Variants in CAP1 observed in about 807,000 individuals in gnomAD.
CAP1 encodes adenylyl cyclase-associated protein 1.
Under a neutral mutation model 58.2 loss-of-function variants are expected in CAP1, and 11 were observed. The ratio of observed to expected loss-of-function variants is 0.19; its 90% confidence interval spans 0.12 to 0.31. CAP1 has a LOEUF of 0.31. Among genes scored for constraint, CAP1 ranks in the 10% least tolerant of loss-of-function variants. The pLI, the probability that CAP1 is intolerant of heterozygous loss-of-function variation, is 1.00. For missense variants in CAP1, 423 were observed against 587.5 expected (o/e 0.72, Z 2.89); for synonymous variants, 183 against 213.8 (o/e 0.86, Z 1.26).
At chr1:40,050,533 C>T (rs1646313904) in intron 1 of CAP1, among the ~76,000 whole-genome samples, 1 of 151,244 alleles carries the variant, frequency 6.6e-6, no homozygotes, top group African/African-American at 2.4e-5. Context: ...GTGGTGCATG[C>T]CTGTAGTTCC....
Position 40,069,857 on chromosome 1 carries a change from G to T in CAP1, c.976G>T (p.Gly326Cys). The stretch of plus-strand genomic sequence containing the variant: ...GGAGCCAGCTGTACTTGAACTGGAG[G>T]GCAAGAAGTGGAGAGTGGTGAGTTA... ...KKEPAVLELE[G>C]KKWRVENQEN... Residue 326 changes from glycine to cysteine, a missense_variant, in exon 9 of 13, where the codon GGC (glycine) becomes TGC (cysteine). Coordinates refer to ENST00000372805, the MANE Select transcript of CAP1 (RefSeq NM_006367.4). The T allele has an allele frequency of 3.8e-6, 6 of 1,572,974 alleles. No homozygotes were observed. The highest frequency in any genetic ancestry group is 5.2e-6 in the Non-Finnish European group (6 of 1,163,120).
chr1:40,056,484 T>C (rs1416324611), intron 1 of CAP1, among the ~76,000 whole-genome samples: 1 of 151,988 alleles, frequency 6.6e-6, no homozygotes. Context: ...TCTGTAGAGA[T>C]GGAATTTTGC....
intron 1 of CAP1, among the ~76,000 whole-genome samples, chr1:40,049,026 A>G (rs1009020908): frequency 2.0e-5 from 3 of 152,106 alleles, no homozygotes; most frequent in Non-Finnish European, 4.4e-5. Context: ...CTACTGTCTT[A>G]ATTGCCTGGT....
intron 1 of CAP1, among the ~76,000 whole-genome samples, chr1:40,044,262 T>C (rs949773472): frequency 6.6e-6 from 1 of 152,202 alleles, no homozygotes; most frequent in African/African-American, 2.4e-5. Context: ...CTTCCTCCTT[T>C]CAGTTTTTTG....
intron 7 of CAP1, among the ~76,000 whole-genome samples, chr1:40,067,042 G>A (rs1358108706): frequency 6.6e-6 from 1 of 152,128 alleles, no homozygotes; most frequent in East Asian, 1.9e-4. Context: ...GGTGTTTGGG[G>A]GATAGTAGAA....
At chr1:40,061,856 G>T (rs1189516878) in intron 4 of CAP1, 44 bp downstream of exon 4, 1 of 1,343,478 alleles carries the variant, frequency 7.4e-7, no homozygotes, top group South Asian at 1.2e-5. Context: ...TGATGCTCAG[G>T]ACGAGTTGAG....
chr1:40,055,752 T>G (rs574521161), intron 1 of CAP1, among the ~76,000 whole-genome samples: 1 of 152,168 alleles, frequency 6.6e-6, no homozygotes, highest in Non-Finnish European at 1.5e-5. Flanking sequence ...CAAGCAACCC[T>G]CCTGTCTTGG....
chr1:40,056,693 C>T (rs1227559736), intron 1 of CAP1, among the ~76,000 whole-genome samples: 2 of 151,992 alleles, frequency 1.3e-5, no homozygotes, highest in Admixed American at 6.6e-5. Flanking sequence ...GGTACCACCT[C>T]GCAAATAGGC....
At position 40,044,865 on chromosome 1, in the gene CAP1, C is replaced by T. The variant is rs534930572; in HGVS notation, c.-11+4064C>T. On this transcript the variant is annotated intron_variant, in intron 1 of 12. Transcript: ENST00000372805. Reference sequence around the variant, plus strand: ...AGGCTGGAGTGCAGTGGCACAATCTCGGCTCACTGCAAGCTCAGCCTCCCG... The same window carrying T: ...AGGCTGGAGTGCAGTGGCACAATCTTGGCTCACTGCAAGCTCAGCCTCCCG... 7.8e-5 allele frequency among the ~76,000 whole-genome samples: 11 copies of T among 140,990 alleles called. No individual in the cohort carries two copies. In the East Asian group the frequency reaches 1.5e-3, roughly 19 times the overall value. The allele number at this position is 140,990 out of a possible 152,430, so 92.5% of individuals were successfully genotyped here.
At chr1:40,042,843 T>C (rs1356753542) in intron 1 of CAP1, among the ~76,000 whole-genome samples, 1 of 152,010 alleles carries the variant, frequency 6.6e-6, no homozygotes, top group Non-Finnish European at 1.5e-5. Flanking sequence ...ATTAAGAAGA[T>C]AGAATCCATA....
rs59433894 is a variant in CAP1, at chr1:40,072,268, A to AC, written c.*735_*736insC. On this transcript the variant is annotated 3_prime_UTR_variant, in exon 13 of 13. Transcript: ENST00000372805. ...CTTTAAAAGGAAAAAAAAAAAAAAA[A>AC]AAACCCACATGATTTCAAGGAGTCT... is the stretch of plus-strand genomic sequence containing the variant. The AC allele has an allele frequency of 0.55, 184,497 of 333,254 alleles. 37,945 individuals are homozygous for AC. Among genetic ancestry groups the AC allele is most frequent in the Admixed American group, 0.61 (12,247 of 20,240 alleles). 20.6% of individuals were successfully genotyped at this position (333,254 alleles called of 1,614,324 possible). A position where few individuals can be genotyped will look rare whatever the true frequency, so the allele number is the denominator to read the frequency against.
At chr1:40,042,951 G>A (rs968762215) in intron 1 of CAP1, among the ~76,000 whole-genome samples, 2 of 152,142 alleles carry the variant, frequency 1.3e-5, no homozygotes, top group Admixed American at 1.3e-4. Context: ...TTCAGATAGA[G>A]AGTATGAGAG....
chr1:40,059,774 G>C (rs1646770680), intron 2 of CAP1, among the ~76,000 whole-genome samples: 1 of 152,146 alleles, frequency 6.6e-6, no homozygotes, highest in African/African-American at 2.4e-5. Context: ...TGGACATTTT[G>C]CACATGCACC....
At chr1:40,042,472 G>A (rs1645879872) in intron 1 of CAP1, among the ~76,000 whole-genome samples, 1 of 152,188 alleles carries the variant, frequency 6.6e-6, no homozygotes, top group Non-Finnish European at 1.5e-5. Flanking sequence ...TACTACAGGT[G>A]CAAGGACCTG....
chr1:40,053,635 C>T (rs1265805462), intron 1 of CAP1, among the ~76,000 whole-genome samples: 6 of 151,976 alleles, frequency 3.9e-5, no homozygotes, highest in Non-Finnish European at 7.4e-5. Context: ...TTAGTAAAGA[C>T]GGGGTTTCTC....
intron 1 of CAP1, among the ~76,000 whole-genome samples, chr1:40,042,591 G>C (rs1244129140): frequency 6.6e-6 from 1 of 152,182 alleles, no homozygotes; most frequent in Non-Finnish European, 1.5e-5. Context: ...ATATGTGGAG[G>C]ACATTGTAAG....
intron 1 of CAP1, among the ~76,000 whole-genome samples, chr1:40,049,249 C>T (rs549675415): frequency 8.2e-5 from 11 of 134,130 alleles, no homozygotes; most frequent in African/African-American, 2.6e-4. Flanking sequence ...TGCAGTGGCG[C>T]GATCTCGGCT....
chr1:40,067,109 T>C (rs1647120517), intron 7 of CAP1, among the ~76,000 whole-genome samples: 1 of 152,188 alleles, frequency 6.6e-6, no homozygotes, highest in African/African-American at 2.4e-5. Context: ...TCGAAGAAGT[T>C]GGAATCCTCA....
In CAP1 at chr1:40,061,704, G is replaced by A. The variant is rs368847668; in HGVS notation, c.217-31G>A. 5 of 1,580,338 alleles carry A rather than the reference G, an allele frequency of 3.2e-6. No individual in the cohort carries two copies. In the African/African-American group the frequency reaches 5.4e-5, roughly 17 times the overall value. On this transcript the variant is annotated intron_variant, in intron 3 of 12. Coordinates refer to ENST00000372805, the MANE Select transcript of CAP1 (RefSeq NM_006367.4). The stretch of plus-strand genomic sequence containing the variant: ...ATCAAGACTTCTCTAGTTATAATGT[G>A]TCATCAATAGCTGATTCTTCTTTCT...
Sources: allele counts gnomAD v4.1 joint callset (sites outside exome capture counted in the v4.1 genomes callset), GRCh38; gene constraint gnomAD v4.1.1; transcripts MANE v1.5; gene names NCBI Gene and HGNC (gene_info 2026-07-23, HGNC 2026-07-21).